EIF2AK4: variants seen among roughly 807,000 people sequenced by gnomAD.
EIF2AK4 encodes the protein eukaryotic translation initiation factor 2 alpha kinase 4, also known as eIF-2-alpha kinase GCN2.
Under a neutral mutation model 211.1 loss-of-function variants are expected in EIF2AK4, and 139 were observed. The observed-to-expected ratio is 0.66, with a 90% CI of 0.57 to 0.76. EIF2AK4 has a LOEUF of 0.76. Among genes scored for constraint, EIF2AK4 ranks in the 30% least tolerant of loss-of-function variants. The pLI is 0.00. For synonymous variants in EIF2AK4, 710 were observed against 751.3 expected, an observed-to-expected ratio of 0.94 and a Z score of 0.90; for missense variants, 1,664 against 2,043.8, an observed-to-expected ratio of 0.81 and a Z score of 3.58.
intron 3 of EIF2AK4, chr15:39,946,976 C>T: frequency 4.6e-6 from 1 of 216,634 alleles, no homozygotes; most frequent in Non-Finnish European, 9.0e-6. Flanking sequence ...TTTATATGCA[C>T]TGGGAAACCA....
At chr15:40,014,032 A>G (rs927579711) in intron 27 of EIF2AK4, among the ~76,000 whole-genome samples, 1 of 152,168 alleles carries the variant, frequency 6.6e-6, no homozygotes, top group African/African-American at 2.4e-5. Flanking sequence ...AATGGGAGAA[A>G]TTGGCCAAAA....
chr15:39,974,698 A>G lies in EIF2AK4; in HGVS notation c.1818+949A>G, dbSNP rs1392020863. ...TTTAAATTCTTGAACGTAGAATAGTAACAAATTTCATCTCTTTACAAGTAC... is the reference window on the plus strand; with the variant it reads ...TTTAAATTCTTGAACGTAGAATAGTGACAAATTTCATCTCTTTACAAGTAC... On this transcript the variant is annotated intron_variant, in intron 11 of 38. Transcript: ENST00000263791. 7 of 152,220 alleles carry G rather than the reference A, an allele frequency of 4.6e-5. No individual in the cohort carries two copies. The South Asian group carries it at 1.2e-3, about 27-fold the overall frequency. The allele number at this position is 152,220 out of a possible 1,614,324, so 9.4% of individuals were successfully genotyped here.
chr15:39,955,837 A>T, intron 6 of EIF2AK4, 69 bp downstream of exon 6: 1 of 1,483,828 alleles, frequency 6.7e-7, no homozygotes. Context: ...TTGAAGATGT[A>T]GTGAAATTTG....
In EIF2AK4 at chr15:40,035,114, A is replaced by C; in HGVS notation, c.*30A>C. 1 of 1,462,476 alleles carries C rather than the reference A, an allele frequency of 6.8e-7. No homozygotes were observed. The highest frequency in any genetic ancestry group is 9.3e-7 in the Non-Finnish European group (1 of 1,073,848). 90.6% of individuals were successfully genotyped at this position (1,462,476 alleles called of 1,614,324 possible). On this transcript the variant is annotated 3_prime_UTR_variant, in exon 39 of 39. Transcript: ENST00000263791. ...AAAGAACTGTCGTTAACCTCATTCAAACAGACAGAGGCTTATACTGGAATA... is the reference window on the plus strand; with the variant it reads ...AAAGAACTGTCGTTAACCTCATTCACACAGACAGAGGCTTATACTGGAATA...
chr15:39,986,880 C>CAAAA lies in EIF2AK4; in HGVS notation c.2403+994_2403+997dup, dbSNP rs572153413. Among the ~76,000 whole-genome samples, 370 of 151,986 alleles carry CAAAA rather than the reference C, an allele frequency of 2.4e-3. 3 individuals are homozygous for CAAAA. Among genetic ancestry groups the CAAAA allele is most frequent in the African/African-American group, 8.2e-3 (338 of 41,432 alleles). ...AAAAAACAAACAACAACAACAACAA[C>CAAAA]AAAAACAAAGAAGTCTTTCCTCTGC... On this transcript the variant is annotated intron_variant, in intron 14 of 38. Transcript: ENST00000263791.
intron 28 of EIF2AK4, 134 bp downstream of exon 28, chr15:40,016,806 C>A: frequency 8.3e-7 from 1 of 1,205,644 alleles, no homozygotes. Flanking sequence ...TGTTTTGGAG[C>A]ATTTGATATT....
At chr15:40,025,087 A>G (rs2035448726) in intron 32 of EIF2AK4, among the ~76,000 whole-genome samples, 1 of 152,150 alleles carries the variant, frequency 6.6e-6, no homozygotes, top group Non-Finnish European at 1.5e-5. Context: ...TGGTCCTGGA[A>G]GGGCCTTTTA....
chr15:40,027,925 A>G lies in EIF2AK4; in HGVS notation c.4503-1481A>G, dbSNP rs555603007. 2.0e-5 allele frequency among the ~76,000 whole-genome samples: 3 copies of G among 152,108 alleles called. No homozygotes were observed. The East Asian group carries it at 5.8e-4, about 29-fold the overall frequency. ...ACAAAAAGAACAACAACAACAACGA[A>G]TATATAATCCCATTTTGTTTTAAAC... On this transcript the variant is annotated intron_variant, in intron 33 of 38. Coordinates refer to ENST00000263791, the MANE Select transcript of EIF2AK4 (RefSeq NM_001013703.4).
chr15:39,948,178 A>G, intron 3 of EIF2AK4, among the ~76,000 whole-genome samples: 1 of 152,246 alleles, frequency 6.6e-6, no homozygotes. Context: ...GAAAGGCAGG[A>G]TACCAAATGA....
At chr15:39,935,841 A>G (rs911053395) in intron 1 of EIF2AK4, among the ~76,000 whole-genome samples, 1 of 152,236 alleles carries the variant, frequency 6.6e-6, no homozygotes, top group South Asian at 2.1e-4. Context: ...CAGGGAGCTT[A>G]CTTTTCTAAT....
chr15:39,934,175 T>G lies in EIF2AK4; in HGVS notation c.-21T>G, dbSNP rs1402511156. The G allele has an allele frequency of 7.1e-7, 1 of 1,415,830 alleles. No individual in the cohort carries two copies. Among genetic ancestry groups the G allele is most frequent in the Non-Finnish European group, 9.2e-7 (1 of 1,086,370 alleles). 87.7% of individuals were successfully genotyped at this position (1,415,830 alleles called of 1,614,324 possible). ...CACCGCCGCCCAGGCAAGGCCGCCC[T>G]GCCTTGGGCGCAGCGCTGCCATGGC... On this transcript the variant is annotated 5_prime_UTR_variant, in exon 1 of 39. Transcript: ENST00000263791.
intron 23 of EIF2AK4, among the ~76,000 whole-genome samples, chr15:40,005,810 A>G (rs2035154082): frequency 6.6e-6 from 1 of 152,026 alleles, no homozygotes; most frequent in African/African-American, 2.4e-5. Flanking sequence ...TGACCTCGTG[A>G]TCCGCCCACC....
At chr15:40,033,646 A>G (rs531210622) in intron 37 of EIF2AK4, among the ~76,000 whole-genome samples, 23 of 152,354 alleles carry the variant, frequency 1.5e-4, no homozygotes, top group Non-Finnish European at 7.3e-5. Context: ...CTTACAAATA[A>G]GCATATACCA....
chr15:40,019,255 G>A (rs2035351347), intron 30 of EIF2AK4, 55 bp downstream of exon 30: 2 of 1,389,666 alleles, frequency 1.4e-6, no homozygotes, highest in Middle Eastern at 1.8e-4. Flanking sequence ...ATTTCTAAAA[G>A]TATGATTTGC....
rs751264257 is a variant in EIF2AK4 at position 39,955,738 on chromosome 15, A to G, written c.713A>G (p.Lys238Arg). The G allele has an allele frequency of 1.9e-6, 3 of 1,611,696 alleles. No individual in the cohort carries two copies. Among genetic ancestry groups the G allele is most frequent in the Non-Finnish European group, 2.5e-6 (3 of 1,179,260 alleles). The change falls in exon 6 of 39, where the codon AAA becomes AGA. Residue 238 changes from lysine to arginine, a missense_variant. By Grantham distance (26) the Lys-to-Arg change is conservative (BLOSUM62 2). Transcript: ENST00000263791. Reference sequence around the variant, plus strand: ...TCTCCTGACTTTGTAGGAAATGGTAAACATCGGGCAAACTCCTCAGGAAGG... The same window carrying G: ...TCTCCTGACTTTGTAGGAAATGGTAGACATCGGGCAAACTCCTCAGGAAGG... ...GGSPDFVGNGKHRANSSGRSR... is the reference protein window; with the variant it reads ...GGSPDFVGNGRHRANSSGRSR...
chr15:40,007,248 G>A (rs1028369523), intron 24 of EIF2AK4, among the ~76,000 whole-genome samples, 183 bp downstream of exon 24: 2 of 152,144 alleles, frequency 1.3e-5, no homozygotes, highest in Non-Finnish European at 2.9e-5. Flanking sequence ...AAGGTAACTA[G>A]GACTGTTAGA....
In EIF2AK4 at chr15:40,035,229, G is replaced by A; in HGVS notation, c.*145G>A. 1.9e-6 allele frequency: 1 copy of A among 537,522 alleles called. No individual in the cohort carries two copies. Among genetic ancestry groups the A allele is most frequent in the Non-Finnish European group, 2.9e-6 (1 of 339,420 alleles). The allele number at this position is 537,522 out of a possible 1,614,324, so 33.3% of individuals were successfully genotyped here. A position where few individuals can be genotyped will look rare whatever the true frequency, so the allele number is the denominator to read the frequency against. On this transcript the variant is annotated 3_prime_UTR_variant, in exon 39 of 39. Transcript: ENST00000263791. Reference sequence around the variant, plus strand: ...TCACACCTTTAATCCCAGCACTTTGGGAAGCCAAGGCAGGAAGACTGCTTG... The same window carrying A: ...TCACACCTTTAATCCCAGCACTTTGAGAAGCCAAGGCAGGAAGACTGCTTG...
intron 2 of EIF2AK4, among the ~76,000 whole-genome samples, 169 bp from the exon 3 acceptor site, chr15:39,943,214 A>G (rs999170905): frequency 3.9e-5 from 6 of 152,228 alleles, no homozygotes; most frequent in Non-Finnish European, 2.9e-5. Flanking sequence ...TCTTCCCTGT[A>G]GGACGCAGGT....
chr15:39,985,766 G>A (rs768019930), intron 13 of EIF2AK4, 39 bp from the exon 14 acceptor site: 16 of 1,605,058 alleles, frequency 1.0e-5, no homozygotes, highest in Admixed American at 3.3e-5. Context: ...CTTAATTTTG[G>A]CCTCCATTTT....
Sources: gnomAD v4.1 joint callset for allele counts (sites outside exome capture counted in the v4.1 genomes callset) on GRCh38, gnomAD v4.1.1 for gene constraint, MANE v1.5 for transcripts, NCBI Gene and HGNC (gene_info 2026-07-23, HGNC 2026-07-21) for gene names.